Variants in LRRC8A observed in about 807,000 individuals in gnomAD.
LRRC8A encodes volume-regulated anion channel subunit LRRC8A.
Under a neutral mutation model 52.5 loss-of-function variants are expected in LRRC8A, and 24 were observed. That is an observed-to-expected ratio of 0.46 (90% confidence interval 0.33 to 0.64). The LOEUF is 0.64. LRRC8A is among the 30% of genes least tolerant of loss of function. The pLI, the probability that LRRC8A is intolerant of heterozygous loss-of-function variation, is 0.02. For missense variants in LRRC8A, 677 were observed against 1,094.7 expected (o/e 0.62, Z 5.38); for synonymous variants, 492 against 494.2 (o/e 1.00, Z 0.06).
rs926061313 is a variant in LRRC8A, at chr9:128,902,592, TG to T, written c.-8-4560del. ...CGCCCTGGCTGTCTCATTCCAGACT[TG>T]GGGGCAGGCAGGCTGCTGCATGCAC... On this transcript the variant is annotated intron_variant, in intron 2 of 3. Transcript: ENST00000372600. This position sits in a 1 kb window ranked among gnomAD's most constrained non-coding sequence, Gnocchi z 4.1. Among the ~76,000 whole-genome samples, 9 of 152,176 alleles carry T rather than the reference TG, an allele frequency of 5.9e-5. No homozygotes were observed. The highest frequency in any genetic ancestry group is 1.3e-4 in the Non-Finnish European group (9 of 68,022).
intron 2 of LRRC8A, among the ~76,000 whole-genome samples, chr9:128,897,398 A>C (rs1323575923): frequency 4.6e-5 from 7 of 151,602 alleles, no homozygotes; most frequent in Admixed American, 4.6e-4. Flanking sequence ...TTTTTAGTAG[A>C]GACAGGATTC....
At chr9:128,913,504 G>A (rs1840655090) in intron 3 of LRRC8A, among the ~76,000 whole-genome samples, 1 of 152,162 alleles carries the variant, frequency 6.6e-6, no homozygotes, top group Non-Finnish European at 1.5e-5. Context: ...CGGTCCAGAG[G>A]ATGGGTGTGG....
chr9:128,914,425 A>G (rs1312168622), intron 3 of LRRC8A, among the ~76,000 whole-genome samples: 1 of 152,034 alleles, frequency 6.6e-6, no homozygotes, highest in Non-Finnish European at 1.5e-5. Context: ...GCCTTTTACA[A>G]ATGGGGAAAC....
chr9:128,899,165 T>C lies in LRRC8A; in HGVS notation c.-8-7992T>C, dbSNP rs1381335161. ...CAACATGGACACATGTTTAACAGGT[T>C]TGCTGCTCCTTTCTATACAGGGAAA... On this transcript the variant is annotated intron_variant, in intron 2 of 3. Coordinates refer to ENST00000372600, the MANE Select transcript of LRRC8A (RefSeq NM_019594.4). The surrounding 1 kb of genome is among the most constrained non-coding windows in gnomAD (Gnocchi z 4.0). 6.6e-6 allele frequency among the ~76,000 whole-genome samples: 1 copy of C among 152,192 alleles called. No individual in the cohort carries two copies. Among genetic ancestry groups the C allele is most frequent in the Non-Finnish European group, 1.5e-5 (1 of 68,024 alleles).
intron 2 of LRRC8A, among the ~76,000 whole-genome samples, chr9:128,900,116 G>T (rs1750711275): frequency 6.6e-6 from 1 of 152,270 alleles, no homozygotes; most frequent in African/African-American, 2.4e-5. Flanking sequence ...TCAGGGCTGG[G>T]CAGGGAAAGG....
chr9:128,897,294 C>G (rs1220051160), intron 2 of LRRC8A, among the ~76,000 whole-genome samples: 5 of 151,878 alleles, frequency 3.3e-5, no homozygotes, highest in African/African-American at 9.7e-5. Context: ...CTCACTGTAG[C>G]CTCCACCTCC....
At chr9:128,901,127 C>T (rs1264829624) in intron 2 of LRRC8A, among the ~76,000 whole-genome samples, 2 of 152,128 alleles carry the variant, frequency 1.3e-5, no homozygotes, top group African/African-American at 4.8e-5. Flanking sequence ...GAGCCGAGAT[C>T]GTGCCACTGC....
intron 2 of LRRC8A, among the ~76,000 whole-genome samples, chr9:128,897,918 G>A (rs1466830369): frequency 2.1e-5 from 3 of 144,828 alleles, no homozygotes; most frequent in Admixed American, 7.1e-5. Flanking sequence ...AGTGGCTCGC[G>A]ACATTGCACT....
intron 2 of LRRC8A, among the ~76,000 whole-genome samples, chr9:128,895,260 A>C (rs1435741310): frequency 6.6e-6 from 1 of 152,132 alleles, no homozygotes; most frequent in Non-Finnish European, 1.5e-5. Flanking sequence ...GAGGTAGGAG[A>C]ATCACTTGAA....
chr9:128,907,995 C>G lies in LRRC8A; in HGVS notation c.831C>G (p.Leu277=), dbSNP rs369646373. Residue 277 remains leucine (L), a synonymous_variant, in exon 3 of 4, where the codon CTC becomes CTG. Transcript: ENST00000372600. This position sits in a 1 kb window ranked among gnomAD's most constrained non-coding sequence, Gnocchi z 9.3. ...QTIIKVIKFI[L]IICYTVYYVH... ...TCATCAAGGTGATCAAGTTCATCCT[C>G]ATCATCTGCTACACCGTCTACTACG... 6.2e-7 allele frequency: 1 copy of G among 1,614,038 alleles called. No individual in the cohort carries two copies. The highest frequency in any genetic ancestry group is 8.5e-7 in the Non-Finnish European group (1 of 1,180,044).
chr9:128,888,778 C>T (rs968130443), intron 2 of LRRC8A, among the ~76,000 whole-genome samples: 1 of 152,070 alleles, frequency 6.6e-6, no homozygotes, highest in Non-Finnish European at 1.5e-5. Context: ...TGTCCTGTCG[C>T]TTTCCCTCCC....
chr9:128,908,088 C>T lies in LRRC8A; in HGVS notation c.924C>T (p.Tyr308=). The T allele has an allele frequency of 6.2e-7, 1 of 1,614,040 alleles. No homozygotes were observed. Among genetic ancestry groups the T allele is most frequent in the South Asian group, 1.1e-5 (1 of 91,076 alleles). Residue 308 remains tyrosine (Y), a synonymous_variant, in exon 3 of 4, where the codon TAC becomes TAT. Transcript: ENST00000372600. ...DIESLTGYRT[Y]RCAHPLATLF... is the part of the protein sequence containing the mutation. ...AGAGCCTGACGGGCTACCGCACCTACCGCTGTGCCCACCCCCTGGCCACAC... is the reference window on the plus strand; with the variant it reads ...AGAGCCTGACGGGCTACCGCACCTATCGCTGTGCCCACCCCCTGGCCACAC...
intron 1 of LRRC8A, chr9:128,882,806 C>T (rs866157173): frequency 2.0e-5 from 8 of 398,594 alleles, no homozygotes; most frequent in African/African-American, 1.6e-4. Flanking sequence ...TTGGGAAGAC[C>T]GGTCCGGAAT....
At position 128,899,602 on chromosome 9, in the gene LRRC8A, G is replaced by A. The variant is rs1352799846; in HGVS notation, c.-8-7555G>A. Among the ~76,000 whole-genome samples, 2 of 152,038 alleles carry A rather than the reference G, an allele frequency of 1.3e-5. No homozygotes were observed. The highest frequency in any genetic ancestry group is 1.9e-4 in the East Asian group (1 of 5,186). ...AGGACATTCTCATATGTGTTAGAAC[G>A]TGGTGAGCCTTGAGGACATTACGTT... On this transcript the variant is annotated intron_variant, in intron 2 of 3. Coordinates refer to ENST00000372600, the MANE Select transcript of LRRC8A (RefSeq NM_019594.4). The surrounding 1 kb of genome is among the most constrained non-coding windows in gnomAD (Gnocchi z 4.0).
chr9:128,883,236 C>T (rs1839197096), intron 1 of LRRC8A, among the ~76,000 whole-genome samples: 1 of 152,148 alleles, frequency 6.6e-6, no homozygotes, highest in African/African-American at 2.4e-5. Context: ...AGGGAGAGCA[C>T]CTGGTAAGAG....
intron 2 of LRRC8A, among the ~76,000 whole-genome samples, chr9:128,893,434 A>AT (rs1839704110): frequency 6.6e-6 from 1 of 152,132 alleles, no homozygotes; most frequent in South Asian, 2.1e-4. Context: ...GCTATAACCC[A>AT]TTTTAGGATG....
At chr9:128,903,508 G>A (rs1202064490) in intron 2 of LRRC8A, among the ~76,000 whole-genome samples, 1 of 151,466 alleles carries the variant, frequency 6.6e-6, no homozygotes, top group East Asian at 2.0e-4. Flanking sequence ...CACTTCCCGG[G>A]TTCACGCCAT....
chr9:128,909,445 C>T, intron 3 of LRRC8A, 124 bp downstream of exon 3: 2 of 923,896 alleles, frequency 2.2e-6, no homozygotes, highest in Middle Eastern at 3.2e-4. Flanking sequence ...GAGTCCTCAC[C>T]TGGGGTTTAC....
At chr9:128,904,824 C>A (rs1157328633) in intron 2 of LRRC8A, among the ~76,000 whole-genome samples, 1 of 151,586 alleles carries the variant, frequency 6.6e-6, no homozygotes, top group East Asian at 1.9e-4. Flanking sequence ...GAAACCCCGT[C>A]TCTACTAAAA....
Sources: gnomAD v4.1 joint callset for allele counts (sites outside exome capture counted in the v4.1 genomes callset) on GRCh38, gnomAD v4.1.1 for gene constraint, Gnocchi (gnomAD v3.1) non-coding constraint, MANE v1.5 for transcripts, NCBI Gene and HGNC (gene_info 2026-07-23, HGNC 2026-07-21) for gene names.